C10orf67: variants seen among roughly 807,000 people sequenced by gnomAD.
C10orf67 encodes uncharacterized protein C10orf67, mitochondrial.
A neutral mutation model predicts 35.6 loss-of-function variants in C10orf67; 60 were observed. The ratio of observed to expected loss-of-function variants is 1.68; its 90% confidence interval spans 1.37 to 2.09. The LOEUF is 2.09. C10orf67 is among the 30% of genes most tolerant of loss of function. The probability of loss-of-function intolerance (pLI) is 0.00; values close to 1 mark genes in which losing one functional copy is unlikely to be tolerated. For synonymous variants in C10orf67, 167 were observed against 115.8 expected, an observed-to-expected ratio of 1.44 and a Z score of -2.84; for missense variants, 474 against 330.2, an observed-to-expected ratio of 1.44 and a Z score of -3.38.
intron 4 of C10orf67, among the ~76,000 whole-genome samples, chr10:23,312,662 A>G (rs1803230470): frequency 6.6e-6 from 1 of 152,204 alleles, no homozygotes; most frequent in South Asian, 2.1e-4. Flanking sequence ...ACATACATCT[A>G]TATAGTTGCA....
chr10:23,209,516 G>A (rs1208924038), intron 15 of C10orf67, among the ~76,000 whole-genome samples: 3 of 152,184 alleles, frequency 2.0e-5, no homozygotes, highest in Admixed American at 6.5e-5. Flanking sequence ...AATTTGCTAA[G>A]AGGGTAGGTA....
rs1242584478 is a variant in C10orf67 at position 23,344,733 on chromosome 10, G to T, written c.42C>A (p.Ser14Arg). ...AGCAGTGAACCCATCTAATAACTATGCTCATGACATAATGAGCCCTGCGAT... is the reference window on the plus strand; with the variant it reads ...AGCAGTGAACCCATCTAATAACTATTCTCATGACATAATGAGCCCTGCGAT... ...VRDRRAHYVM[S>R]IVIRWVHCFS... is the part of the protein sequence containing the mutation. The change falls in exon 1 of 16, where the codon AGC becomes AGA. Residue 14 changes from serine (S) to arginine (R), a missense_variant. Coordinates refer to ENST00000636213, the MANE Select transcript of C10orf67 (RefSeq NM_001371909.1). The T allele has an allele frequency of 1.3e-6, 2 of 1,573,092 alleles. No homozygotes were observed.
At chr10:23,264,659 C>A (rs917866758) in intron 10 of C10orf67, among the ~76,000 whole-genome samples, 1 of 152,166 alleles carries the variant, frequency 6.6e-6, no homozygotes, top group African/African-American at 2.4e-5. Flanking sequence ...CTGGGGACAC[C>A]GGAGCTTCCA....
chr10:23,232,643 A>G (rs1841942673), intron 13 of C10orf67, among the ~76,000 whole-genome samples: 1 of 152,186 alleles, frequency 6.6e-6, no homozygotes, highest in African/African-American at 2.4e-5. Context: ...ACCAAGGAGA[A>G]TCAATATCCC....
intron 13 of C10orf67, among the ~76,000 whole-genome samples, chr10:23,234,778 G>A (rs1273806470): frequency 1.3e-5 from 2 of 151,662 alleles, no homozygotes; most frequent in South Asian, 4.2e-4. Flanking sequence ...ACTTTGGGGG[G>A]CTGAGGCAGG....
intron 4 of C10orf67, among the ~76,000 whole-genome samples, chr10:23,314,577 C>G (rs1844627061): frequency 6.6e-6 from 1 of 151,894 alleles, no homozygotes; most frequent in Non-Finnish European, 1.5e-5. Flanking sequence ...GGTAGGTCCT[C>G]TGTTCAGGGT....
intron 15 of C10orf67, among the ~76,000 whole-genome samples, chr10:23,213,672 T>A (rs1378394651): frequency 1.3e-5 from 2 of 152,126 alleles, no homozygotes; most frequent in African/African-American, 4.8e-5. Flanking sequence ...TATTAAAACA[T>A]ATGCATACAT....
At chr10:23,280,089 A>C (rs920355080) in intron 8 of C10orf67, among the ~76,000 whole-genome samples, 4 of 152,140 alleles carry the variant, frequency 2.6e-5, no homozygotes, top group Non-Finnish European at 5.9e-5. Flanking sequence ...TCCTGGGCTC[A>C]AGTGATCCTC....
intron 15 of C10orf67, among the ~76,000 whole-genome samples, chr10:23,204,717 G>T (rs911596339): frequency 6.6e-6 from 1 of 152,208 alleles, no homozygotes; most frequent in Admixed American, 6.5e-5. Context: ...TTATGAATGA[G>T]AAGGAAAGGA....
intron 8 of C10orf67, among the ~76,000 whole-genome samples, chr10:23,281,523 G>A (rs1843365504): frequency 6.6e-6 from 1 of 152,012 alleles, no homozygotes; most frequent in Non-Finnish European, 1.5e-5. Flanking sequence ...TGGCGGGGCT[G>A]GGGGCTGGGG....
At chr10:23,233,054 G>A (rs1014338447) in intron 13 of C10orf67, among the ~76,000 whole-genome samples, 2 of 152,124 alleles carry the variant, frequency 1.3e-5, no homozygotes, top group Admixed American at 1.3e-4. Flanking sequence ...CTACTCAGGA[G>A]GCTGAGGTAA....
chr10:23,261,409 T>C (rs7907909), intron 10 of C10orf67, among the ~76,000 whole-genome samples: 20,577 of 152,118 alleles, frequency 0.14, 2,660 homozygotes, highest in East Asian at 0.66. Context: ...ACTCCTGGGC[T>C]CAAACAATCC....
Position 23,204,240 on chromosome 10 carries a change from G to T in C10orf67, c.1586C>A (p.Ser529Tyr). 1.5e-6 allele frequency: 1 copy of T among 653,614 alleles called. No individual in the cohort carries two copies. The highest frequency in any genetic ancestry group is 2.9e-6 in the Non-Finnish European group (1 of 350,176). The allele number at this position is 653,614 out of a possible 1,614,324, so 40.5% of individuals were successfully genotyped here. A position where few individuals can be genotyped will look rare whatever the true frequency, so the allele number is the denominator to read the frequency against. The change falls in exon 16 of 16, where the codon TCC becomes TAC. Residue 529 changes from serine (S) to tyrosine (Y), a missense_variant. By Grantham distance (144) the Ser-to-Tyr change is moderately radical. Transcript: ENST00000636213. ...CTCCTCCAAGGACTCTTCTTTTGGG[G>T]ATTCCGACAACTTCCCTAAACGTGA... ...QLSPKGKLSE[S>Y]PKEESLEEPS...
intron 8 of C10orf67, among the ~76,000 whole-genome samples, chr10:23,279,338 G>A (rs138935699): frequency 2.3e-3 from 343 of 152,342 alleles, no homozygotes; most frequent in African/African-American, 7.9e-3. Context: ...CCATGTAAAC[G>A]TGGTTTTGCA....
intron 1 of C10orf67, among the ~76,000 whole-genome samples, chr10:23,343,365 C>G (rs937799311): frequency 2.0e-5 from 3 of 152,124 alleles, no homozygotes; most frequent in Non-Finnish European, 4.4e-5. Context: ...TGTGGAGACA[C>G]AGCCAGGAGG....
intron 10 of C10orf67, among the ~76,000 whole-genome samples, chr10:23,252,248 C>T (rs1454934556): frequency 6.6e-6 from 1 of 152,080 alleles, no homozygotes; most frequent in Non-Finnish European, 1.5e-5. Context: ...TATTATTCAG[C>T]CTGCCTATTG....
In C10orf67 at chr10:23,320,752, C is replaced by T. The variant is rs758152123; in HGVS notation, c.535G>A (p.Gly179Arg). Residue 179 changes from glycine (G) to arginine (R), a missense_variant, in exon 4 of 16, where the codon GGA becomes AGA. By Grantham distance (125) the Gly-to-Arg change is moderately radical. Coordinates refer to ENST00000636213, the MANE Select transcript of C10orf67 (RefSeq NM_001371909.1). Reference protein sequence around the residue: ...QLADAIAVIKGMYQQFFEVEE... With the variant: ...QLADAIAVIKRMYQQFFEVEE... The stretch of plus-strand genomic sequence containing the variant: ...AAACAGAAACTCACCTGGTACATTC[C>T]TTTGATAACAGCTATGGCATCAGCT... 1 of 1,590,376 alleles carries T rather than the reference C, an allele frequency of 6.3e-7. No homozygotes were observed. Among genetic ancestry groups the T allele is most frequent in the Non-Finnish European group, 8.6e-7 (1 of 1,167,852 alleles).
At chr10:23,272,128 G>A (rs140810331) in intron 8 of C10orf67, among the ~76,000 whole-genome samples, 203 of 152,216 alleles carry the variant, frequency 1.3e-3, no homozygotes, top group African/African-American at 4.5e-3. Context: ...TGTTGCCCAC[G>A]CTGGTCTTGA....
chr10:23,336,305 T>C (rs1845679597), intron 1 of C10orf67, among the ~76,000 whole-genome samples: 1 of 152,178 alleles, frequency 6.6e-6, no homozygotes, highest in African/African-American at 2.4e-5. Context: ...ATGCGTACTT[T>C]TATAAATATA....
Sources: gnomAD v4.1 joint callset for allele counts (sites outside exome capture counted in the v4.1 genomes callset) on GRCh38, gnomAD v4.1.1 for gene constraint, MANE v1.5 for transcripts, NCBI Gene and HGNC (gene_info 2026-07-23, HGNC 2026-07-21) for gene names.